HECW2: variants seen among roughly 807,000 people sequenced by gnomAD.
HECW2 encodes the protein E3 ubiquitin-protein ligase HECW2.
HECW2 carries 61 observed loss-of-function variants against 175.2 expected under a neutral mutation model. The ratio of observed to expected loss-of-function variants is 0.35; its 90% CI spans 0.28 to 0.43. HECW2 has a LOEUF of 0.43. HECW2 is among the 20% of genes least tolerant of loss of function. HECW2 has a pLI of 1.00. For missense variants in HECW2, 1,524 were observed against 2,000.5 expected, an observed-to-expected ratio of 0.76 and a Z score of 4.54; for synonymous variants, 671 against 731.0, an observed-to-expected ratio of 0.92 and a Z score of 1.32.
intron 1 of HECW2, among the ~76,000 whole-genome samples, chr2:196,467,943 CAGTGTCT>C (rs1426550407): frequency 2.0e-5 from 3 of 152,242 alleles, no homozygotes; most frequent in Admixed American, 2.0e-4. Context: ...TCAGCATCAA[CAGTGTCT>C]AATAATCATA....
rs143418954 is a variant in HECW2 at position 196,205,211 on chromosome 2, G to T, written c.4608-3823C>A. Among the ~76,000 whole-genome samples the T allele has an allele frequency of 5.9e-4, 90 of 152,304 alleles. 1 individual carries two copies. The East Asian group carries it at 0.014, about 24-fold the overall frequency. On this transcript the variant is annotated intron_variant, in intron 28 of 28. Transcript: ENST00000644978. ...GGGGAAAGCATATATTGTGGAGGGG[G>T]AAACTGTGTGGAAAGATTAAATGGT... is the stretch of plus-strand genomic sequence containing the variant.
At chr2:196,483,171 T>C (rs1284002683) in intron 1 of HECW2, among the ~76,000 whole-genome samples, 1 of 146,998 alleles carries the variant, frequency 6.8e-6, no homozygotes, top group East Asian at 2.0e-4. Flanking sequence ...ACTGACAACA[T>C]AGACAACTTG....
chr2:196,348,168 C>A (rs1448092031), intron 2 of HECW2, among the ~76,000 whole-genome samples: 1 of 152,198 alleles, frequency 6.6e-6, no homozygotes, highest in Non-Finnish European at 1.5e-5. Flanking sequence ...CAATTTTGGT[C>A]TAGCCTGAGA....
chr2:196,296,556 C>T (rs1288354263), intron 13 of HECW2, among the ~76,000 whole-genome samples: 1 of 152,198 alleles, frequency 6.6e-6, no homozygotes, highest in East Asian at 1.9e-4. Context: ...ATTCTATAAA[C>T]TGAACAAGGG....
At chr2:196,252,178 AAATAATAATAAT>A (rs10666310) in intron 19 of HECW2, among the ~76,000 whole-genome samples, 16 of 133,242 alleles carry the variant, frequency 1.2e-4, no homozygotes, top group African/African-American at 4.1e-4. Flanking sequence ...CTCCGATTCA[AAATAATAATAAT>A]AATAATAATA....
chr2:196,355,198 G>A (rs568673603), intron 2 of HECW2, among the ~76,000 whole-genome samples: 12 of 152,324 alleles, frequency 7.9e-5, no homozygotes, highest in Non-Finnish European at 1.2e-4. Flanking sequence ...GGAATGAGGT[G>A]TTCTTTGTAA....
intron 21 of HECW2, 130 bp downstream of exon 21, chr2:196,240,319 G>A (rs1450068338): frequency 1.1e-5 from 6 of 541,720 alleles, no homozygotes; most frequent in African/African-American, 1.9e-5. Context: ...AAGCCCAAAG[G>A]TTTAAGTGTA....
intron 4 of HECW2, among the ~76,000 whole-genome samples, chr2:196,332,099 T>C (rs7597752): frequency 0.64 from 96,999 of 150,492 alleles, 34,851 homozygotes; most frequent in East Asian, 0.95. Context: ...GAGGTCCCCC[T>C]TTTTTTTTTA....
chr2:196,521,950 C>T (rs139845653), intron 1 of HECW2, among the ~76,000 whole-genome samples: 3 of 151,934 alleles, frequency 2.0e-5, no homozygotes, highest in Admixed American at 1.3e-4. Flanking sequence ...CATACATGTG[C>T]CTGTGTCTTT....
chr2:196,204,397 C>T, intron 28 of HECW2, among the ~76,000 whole-genome samples: 1 of 152,038 alleles, frequency 6.6e-6, no homozygotes, highest in Non-Finnish European at 1.5e-5. Context: ...GTCCATTCAC[C>T]TTTTAAAGCC....
intron 17 of HECW2, among the ~76,000 whole-genome samples, chr2:196,265,092 G>A: frequency 6.6e-6 from 1 of 152,192 alleles, no homozygotes; most frequent in East Asian, 1.9e-4. Flanking sequence ...GTCAAGGCTG[G>A]TTTTATTGTG....
chr2:196,405,542 T>C (rs1382225563), intron 2 of HECW2, among the ~76,000 whole-genome samples: 1 of 152,186 alleles, frequency 6.6e-6, no homozygotes, highest in East Asian at 1.9e-4. Flanking sequence ...CTGGATGAAA[T>C]GTCTCTGCTC....
At position 196,307,180 on chromosome 2, in the gene HECW2, T is replaced by C. The variant is rs753230423; in HGVS notation, c.2639A>G (p.Asn880Ser). The change falls in exon 12 of 29, where the codon AAT becomes AGT. Residue 880 changes from asparagine (N) to serine (S), a missense_variant. This residue lies in a region of HECW2 where 105 missense variants were observed against 98.1 expected (regional missense o/e 1.07). Transcript: ENST00000644978. ...MTNERPEENT[N>S]AIDGAGEEAD... Reference sequence around the variant, plus strand: ...TTCCTCCCCTGCCCCATCAATAGCATTGGTATTTTCCTCAGGCCTCTCATT... The same window carrying C: ...TTCCTCCCCTGCCCCATCAATAGCACTGGTATTTTCCTCAGGCCTCTCATT... 2.5e-6 allele frequency: 4 copies of C among 1,614,076 alleles called. No homozygotes were observed. Among genetic ancestry groups the C allele is most frequent in the East Asian group, 4.5e-5 (2 of 44,876 alleles).
At chr2:196,466,449 A>G (rs1401553888) in intron 1 of HECW2, among the ~76,000 whole-genome samples, 1 of 152,266 alleles carries the variant, frequency 6.6e-6, no homozygotes. Flanking sequence ...TTTTACATTA[A>G]GAAATTACTA....
intron 1 of HECW2, among the ~76,000 whole-genome samples, chr2:196,532,996 C>T (rs1184248889): frequency 6.6e-6 from 1 of 152,136 alleles, no homozygotes; most frequent in Non-Finnish European, 1.5e-5. Context: ...ACAGTTTCTT[C>T]AGCTATCATA....
At chr2:196,491,213 A>G (rs1373632533) in intron 1 of HECW2, among the ~76,000 whole-genome samples, 1 of 152,086 alleles carries the variant, frequency 6.6e-6, no homozygotes, top group African/African-American at 2.4e-5. Flanking sequence ...ATATAATGGA[A>G]TGTTGGCGGG....
chr2:196,217,121 T>C, intron 26 of HECW2, 28 bp from the exon 27 acceptor site: 2 of 1,537,098 alleles, frequency 1.3e-6, no homozygotes, highest in Non-Finnish European at 8.9e-7. Flanking sequence ...AAAGCCCATG[T>C]TACTTTGACT....
chr2:196,369,346 C>G lies in HECW2; in HGVS notation c.293-25582G>C, dbSNP rs896185882. 3.3e-5 allele frequency among the ~76,000 whole-genome samples: 3 copies of G among 90,718 alleles called. No homozygotes were observed. In the South Asian group the frequency reaches 1.1e-3, roughly 33 times the overall value. The allele number at this position is 90,718 out of a possible 152,430, so 59.5% of individuals were successfully genotyped here. On this transcript the variant is annotated intron_variant, in intron 2 of 28. Coordinates refer to ENST00000644978, the MANE Select transcript of HECW2 (RefSeq NM_001348768.2). ...TACTCCTCCTAAACAAATGGAGTCTCTCTCTCTCTCTCTCTCTCTCTCTCT... is the reference window on the plus strand; with the variant it reads ...TACTCCTCCTAAACAAATGGAGTCTGTCTCTCTCTCTCTCTCTCTCTCTCT...
chr2:196,303,949 C>T (rs534355238), intron 13 of HECW2, among the ~76,000 whole-genome samples: 29 of 152,140 alleles, frequency 1.9e-4, no homozygotes, highest in Non-Finnish European at 2.7e-4. Flanking sequence ...CTGCTAACTG[C>T]GTTAGCCCAA....
Sources: gnomAD v4.1 joint callset for allele counts (sites outside exome capture counted in the v4.1 genomes callset) on GRCh38, gnomAD v4.1.1 for gene constraint, gnomAD v4.1.1 regional missense constraint, MANE v1.5 for transcripts, NCBI Gene and HGNC (gene_info 2026-07-23, HGNC 2026-07-21) for gene names.